The following FBN2 variants were observed in gnomAD, a reference collection of about 807,000 sequenced individuals.
FBN2 encodes the protein fibrillin 2.
FBN2 carries 105 observed loss-of-function variants against 355.6 expected under a neutral mutation model. That is an observed-to-expected ratio of 0.30 (90% CI 0.25 to 0.35). FBN2 has a LOEUF of 0.35. Among genes scored for constraint, FBN2 ranks in the 10% least tolerant of loss-of-function variants. The probability of loss-of-function intolerance (pLI) is 1.00; values close to 1 mark genes in which losing one functional copy is unlikely to be tolerated. For missense variants in FBN2, 3,280 were observed against 3,758.7 expected, an observed-to-expected ratio of 0.87 and a Z score of 3.33; for synonymous variants, 1,350 against 1,301.2, an observed-to-expected ratio of 1.04 and a Z score of -0.81.
rs576545724 is a variant in FBN2 at position 128,396,363 on chromosome 5, A to G, written c.1079-1089T>C. Among the ~76,000 whole-genome samples, 5 of 152,318 alleles carry G rather than the reference A, an allele frequency of 3.3e-5. No homozygotes were observed. In the South Asian group the frequency reaches 1.0e-3, roughly 32 times the overall value. On this transcript the variant is annotated intron_variant, in intron 8 of 64. Transcript: ENST00000262464. The stretch of plus-strand genomic sequence containing the variant: ...ATATATCTGTGAATTGTCAGTGTAT[A>G]TATGTCATTCTAAGCCAGAGCCAGA...
intron 60 of FBN2, 83 bp from the exon 61 acceptor site, chr5:128,274,051 T>A: frequency 6.6e-7 from 1 of 1,519,520 alleles, no homozygotes; most frequent in Non-Finnish European, 9.1e-7. Context: ...AAGCAATGTA[T>A]GAAAACCTAA....
At chr5:128,333,558 A>T (rs1241850361) in intron 31 of FBN2, among the ~76,000 whole-genome samples, 3 of 151,868 alleles carry the variant, frequency 2.0e-5, no homozygotes, top group Non-Finnish European at 4.4e-5. Context: ...TACAGAATTT[A>T]AAAAAAACTA....
At chr5:128,413,315 T>C (rs1311047708) in intron 7 of FBN2, among the ~76,000 whole-genome samples, 1 of 151,896 alleles carries the variant, frequency 6.6e-6, no homozygotes, top group Non-Finnish European at 1.5e-5. Flanking sequence ...TAAGAAAAAG[T>C]CAGAGGAAGA....
intron 34 of FBN2, among the ~76,000 whole-genome samples, chr5:128,322,061 T>C (rs894344970): frequency 6.6e-6 from 1 of 152,236 alleles, no homozygotes; most frequent in African/African-American, 2.4e-5. Flanking sequence ...GTGCTTTTTT[T>C]CACGTTTGTT....
chr5:128,488,462 T>C (rs1277073346), intron 5 of FBN2, among the ~76,000 whole-genome samples: 5 of 152,184 alleles, frequency 3.3e-5, no homozygotes, highest in Non-Finnish European at 7.4e-5. Context: ...GCCAGTTCTT[T>C]TTTTTCTGTG....
chr5:128,344,364 A>G, intron 25 of FBN2, 21 bp downstream of exon 25: 2 of 1,613,650 alleles, frequency 1.2e-6, no homozygotes, highest in Middle Eastern at 1.6e-4. Context: ...TTTATCAAAT[A>G]AAACAGCAGA....
At chr5:128,331,863 G>A (rs1162179184) in intron 32 of FBN2, among the ~76,000 whole-genome samples, 1 of 152,074 alleles carries the variant, frequency 6.6e-6, no homozygotes, top group African/African-American at 2.4e-5. Flanking sequence ...ATGACAGATG[G>A]ACAAGAAGCA....
chr5:128,390,973 GATAGTAC>G (rs1752494391), intron 11 of FBN2, among the ~76,000 whole-genome samples: 1 of 152,078 alleles, frequency 6.6e-6, no homozygotes, highest in African/African-American at 2.4e-5. Flanking sequence ...ATGATTTTTT[GATAGTAC>G]ATAGTAAAAT....
chr5:128,420,362 T>C (rs1288682035), intron 7 of FBN2, among the ~76,000 whole-genome samples: 1 of 152,182 alleles, frequency 6.6e-6, no homozygotes, highest in Non-Finnish European at 1.5e-5. Flanking sequence ...CTTTTTCCTC[T>C]AATAGATAAT....
At chr5:128,484,458 T>C (rs1007317711) in intron 5 of FBN2, among the ~76,000 whole-genome samples, 8 of 152,116 alleles carry the variant, frequency 5.3e-5, no homozygotes, top group Non-Finnish European at 7.3e-5. Flanking sequence ...CAAGGAAGCA[T>C]GCAAATCAAC....
intron 57 of FBN2, 53 bp downstream of exon 57, chr5:128,278,582 A>G (rs1463095159): frequency 6.6e-7 from 1 of 1,526,238 alleles, no homozygotes; most frequent in African/African-American, 1.4e-5. Flanking sequence ...ATTTATCTGA[A>G]TTCATAAAAT....
At position 128,278,740 on chromosome 5, in the gene FBN2, C is replaced by A; in HGVS notation, c.7240G>T (p.Gly2414Cys). 6.2e-7 allele frequency: 1 copy of A among 1,614,144 alleles called. No individual in the cohort carries two copies. The highest frequency in any genetic ancestry group is 8.5e-7 in the Non-Finnish European group (1 of 1,180,018). The part of the protein sequence containing the change: ...LVTKSECCCD[G>C]GRGWGHQCEL... ...CACTGGTGGCCCCAGCCTCGCCCAC[C>A]ATCACAGCAGCATTCTGACTTAGTG... Residue 2414 changes from glycine to cysteine, a missense_variant, in exon 57 of 65, where the codon GGT becomes TGT. By Grantham distance (159) the Gly-to-Cys change is radical. Transcript: ENST00000262464.
chr5:128,278,255 T>G (rs1480075079), intron 57 of FBN2, among the ~76,000 whole-genome samples: 1 of 152,148 alleles, frequency 6.6e-6, no homozygotes, highest in Non-Finnish European at 1.5e-5. Context: ...CATTTTGCAA[T>G]CTAAGCATGA....
chr5:128,418,470 C>A (rs1753262141), intron 7 of FBN2, among the ~76,000 whole-genome samples: 1 of 151,802 alleles, frequency 6.6e-6, no homozygotes, highest in African/African-American at 2.4e-5. Flanking sequence ...TTTTTCTGAC[C>A]CAGGTATTTA....
chr5:128,527,834 C>T, intron 4 of FBN2, 38 bp downstream of exon 4: 2 of 1,379,156 alleles, frequency 1.5e-6, no homozygotes, highest in Non-Finnish European at 2.1e-6. Flanking sequence ...GAAATATCCA[C>T]CAAATCAAAT....
chr5:128,329,784 C>T (rs760725776), intron 33 of FBN2, among the ~76,000 whole-genome samples: 5 of 152,094 alleles, frequency 3.3e-5, no homozygotes, highest in Non-Finnish European at 5.9e-5. Flanking sequence ...TTAGGCTATC[C>T]GTTAATTATG....
At chr5:128,436,254 T>C (rs1438784685) in intron 7 of FBN2, among the ~76,000 whole-genome samples, 3 of 152,194 alleles carry the variant, frequency 2.0e-5, no homozygotes, top group East Asian at 3.8e-4. Flanking sequence ...CTGGAGTTCC[T>C]ATCACTCTTC....
At chr5:128,302,420 G>A (rs1749744050) in intron 46 of FBN2, among the ~76,000 whole-genome samples, 1 of 152,050 alleles carries the variant, frequency 6.6e-6, no homozygotes, top group Non-Finnish European at 1.5e-5. Flanking sequence ...GTGTTGCTGT[G>A]GGCCAAAGAC....
chr5:128,370,362 G>A (rs1403975458), intron 15 of FBN2, among the ~76,000 whole-genome samples: 1 of 152,078 alleles, frequency 6.6e-6, no homozygotes, highest in Non-Finnish European at 1.5e-5. Flanking sequence ...TCATCTGCTT[G>A]TTATGCAAAA....
Sources: gnomAD v4.1 joint callset for allele counts (sites outside exome capture counted in the v4.1 genomes callset) on GRCh38, gnomAD v4.1.1 for gene constraint, MANE v1.5 for transcripts, NCBI Gene and HGNC (gene_info 2026-07-23, HGNC 2026-07-21) for gene names.